Variants in ZNF385D observed in about 807,000 individuals in gnomAD.
The protein encoded by ZNF385D is zinc finger protein 385D.
In ZNF385D, 15 loss-of-function variants were observed where a neutral mutation model predicts 35.8. The observed-to-expected ratio is 0.42, with a 90% CI of 0.28 to 0.64. ZNF385D has a LOEUF of 0.64. ZNF385D is among the 30% of genes least tolerant of loss of function. The probability of loss-of-function intolerance (pLI) is 0.23; values close to 1 mark genes in which losing one functional copy is unlikely to be tolerated. For synonymous variants in ZNF385D, 212 were observed against 186.8 expected (o/e 1.13, Z -1.10); for missense variants, 474 against 494.6 (o/e 0.96, Z 0.39).
chr3:22,132,253 C>G (rs1160363717), intron 3 of ZNF385D, among the ~76,000 whole-genome samples: 1 of 151,988 alleles, frequency 6.6e-6, no homozygotes, highest in Non-Finnish European at 1.5e-5. Context: ...GGAAACAGAC[C>G]TTTTGCACCT....
intron 3 of ZNF385D, chr3:21,777,731 T>G (rs2071343172): frequency 6.6e-6 from 1 of 151,932 alleles, no homozygotes; most frequent in African/African-American, 2.4e-5. Context: ...TTTCAACTAC[T>G]GCCTTATTTT....
chr3:21,919,844 C>T (rs1419923979), intron 3 of ZNF385D, among the ~76,000 whole-genome samples: 1 of 152,168 alleles, frequency 6.6e-6, no homozygotes, highest in Non-Finnish European at 1.5e-5. Flanking sequence ...AACTGAATAA[C>T]TTTTCTGAAT....
chr3:22,226,846 C>A (rs1481676758), intron 2 of ZNF385D, among the ~76,000 whole-genome samples: 2 of 152,114 alleles, frequency 1.3e-5, no homozygotes, highest in Non-Finnish European at 2.9e-5. Flanking sequence ...GATTTTCCTA[C>A]CTAATGTTGT....
At chr3:21,602,517 C>CTGTTTTTTTTTT (rs2064333684) in intron 2 of ZNF385D, among the ~76,000 whole-genome samples, 1 of 62,710 alleles carries the variant, frequency 1.6e-5, no homozygotes, top group African/African-American at 7.6e-5. Flanking sequence ...CCTGCATTTT[C>CTGTTTTTTTTTT]TTTTTTTTTT....
At chr3:21,443,348 G>A (rs905735006) in intron 4 of ZNF385D, 13 of 985,298 alleles carry the variant, frequency 1.3e-5, no homozygotes, top group African/African-American at 1.7e-5. Context: ...GTTGCTAGGC[G>A]AAACTTGATA....
chr3:21,635,806 GATGTTTGGTTTTCCATTCCTGA>G (rs553001530), intron 2 of ZNF385D, among the ~76,000 whole-genome samples: 133 of 152,126 alleles, frequency 8.7e-4, no homozygotes, highest in African/African-American at 3.1e-3. Flanking sequence ...GAGAACATAC[GATGTTTGGTTTTCCATTCCTGA>G]ATTACTTCAC....
chr3:21,903,122 T>G (rs1052659567), intron 3 of ZNF385D, among the ~76,000 whole-genome samples: 2 of 152,152 alleles, frequency 1.3e-5, no homozygotes, highest in African/African-American at 4.8e-5. Context: ...CACCATGACT[T>G]GCGGTCTTGA....
chr3:21,824,259 C>T (rs561930856), intron 3 of ZNF385D, among the ~76,000 whole-genome samples: 5 of 152,266 alleles, frequency 3.3e-5, no homozygotes, highest in East Asian at 1.9e-4. Context: ...ATATTCAAAA[C>T]GACATATCTA....
At chr3:21,737,775 A>G (rs777170775) in intron 1 of ZNF385D, among the ~76,000 whole-genome samples, 32 of 152,220 alleles carry the variant, frequency 2.1e-4, no homozygotes, top group Non-Finnish European at 1.6e-4. Context: ...TCTGATAGGA[A>G]GGATCACTGC....
chr3:22,323,051 CACGG>C, intron 2 of ZNF385D, among the ~76,000 whole-genome samples: 1 of 152,068 alleles, frequency 6.6e-6, no homozygotes, highest in African/African-American at 2.4e-5. Context: ...TCTCAACCCC[CACGG>C]ACAGGAAATG....
At chr3:21,825,601 C>G (rs1694555021) in intron 3 of ZNF385D, among the ~76,000 whole-genome samples, 1 of 152,136 alleles carries the variant, frequency 6.6e-6, no homozygotes, top group South Asian at 2.1e-4. Flanking sequence ...ATTGTCTTTC[C>G]TCATGGTCAC....
chr3:21,612,877 A>G (rs1478244797), intron 2 of ZNF385D, among the ~76,000 whole-genome samples: 1 of 152,104 alleles, frequency 6.6e-6, no homozygotes, highest in Non-Finnish European at 1.5e-5. Context: ...AAAATAAAAC[A>G]CCTTAAATGA....
intron 3 of ZNF385D, among the ~76,000 whole-genome samples, chr3:21,836,427 G>A (rs547946274): frequency 1.3e-4 from 20 of 152,232 alleles, no homozygotes; most frequent in Non-Finnish European, 2.4e-4. Context: ...GACTGTGAGA[G>A]TGAGGTTGAG....
At chr3:21,503,620 C>G (rs233166) in intron 4 of ZNF385D, among the ~76,000 whole-genome samples, 27,184 of 152,086 alleles carry the variant, frequency 0.18, 2,485 homozygotes, top group Admixed American at 0.26. Context: ...CTGAGGTAAA[C>G]AGCTGGTTCA....
At chr3:22,117,661 T>A (rs946331218) in intron 3 of ZNF385D, among the ~76,000 whole-genome samples, 5 of 152,002 alleles carry the variant, frequency 3.3e-5, no homozygotes, top group Non-Finnish European at 7.4e-5. Context: ...TAAATAAACT[T>A]AATGGTTACA....
At chr3:21,997,872 CGTGTGTGTGT>C (rs751459423) in intron 3 of ZNF385D, among the ~76,000 whole-genome samples, 24 of 90,188 alleles carry the variant, frequency 2.7e-4, no homozygotes, top group Admixed American at 5.1e-4. Flanking sequence ...CGCGCGCGCG[CGTGTGTGTGT>C]GTGTGTGTGT....
chr3:22,001,435 T>C (rs986649401), intron 3 of ZNF385D, among the ~76,000 whole-genome samples: 3 of 152,092 alleles, frequency 2.0e-5, no homozygotes, highest in African/African-American at 7.2e-5. Context: ...CAAGAAGATA[T>C]AACAATTGTA....
At chr3:22,200,263 C>G (rs1464345946) in intron 2 of ZNF385D, among the ~76,000 whole-genome samples, 1 of 152,046 alleles carries the variant, frequency 6.6e-6, no homozygotes, top group Non-Finnish European at 1.5e-5. Context: ...TGGTTCTTTT[C>G]TATTTTCCCT....
chr3:22,205,200 G>T (rs765810934), intron 2 of ZNF385D, among the ~76,000 whole-genome samples: 3 of 151,940 alleles, frequency 2.0e-5, no homozygotes, highest in Non-Finnish European at 2.9e-5. Context: ...AAGGCCAGAA[G>T]AGAGTGACAT....
Sources: gnomAD v4.1 joint callset for allele counts (sites outside exome capture counted in the v4.1 genomes callset) on GRCh38, gnomAD v4.1.1 for gene constraint, MANE v1.5 for transcripts, NCBI Gene and HGNC (gene_info 2026-07-23, HGNC 2026-07-21) for gene names.